CDH13: variants seen among roughly 807,000 people sequenced by gnomAD.
CDH13 encodes the protein cadherin-13.
In CDH13, 24 loss-of-function variants were observed where a neutral mutation model predicts 63.8. That is an observed-to-expected ratio of 0.38 (90% CI 0.27 to 0.53). The LOEUF is 0.53. CDH13 is among the 20% of genes least tolerant of loss of function. The pLI is 0.85. For missense variants in CDH13, 1,049 were observed against 903.1 expected (o/e 1.16, Z -2.07); for synonymous variants, 503 against 355.3 (o/e 1.42, Z -4.67).
At chr16:83,018,484 C>T (rs760152047) in intron 2 of CDH13, among the ~76,000 whole-genome samples, 12 of 152,144 alleles carry the variant, frequency 7.9e-5, no homozygotes, top group Non-Finnish European at 1.2e-4. Flanking sequence ...GGAATTGCTT[C>T]CACAATATTC....
At chr16:83,274,574 C>T (rs2088925001) in intron 5 of CDH13, among the ~76,000 whole-genome samples, 1 of 152,126 alleles carries the variant, frequency 6.6e-6, no homozygotes, top group Non-Finnish European at 1.5e-5. Context: ...GAAAGGGATT[C>T]TGTCTTTCCC....
At chr16:83,727,020 A>G (rs1598597704) in intron 10 of CDH13, among the ~76,000 whole-genome samples, 1 of 152,184 alleles carries the variant, frequency 6.6e-6, no homozygotes, top group African/African-American at 2.4e-5. Flanking sequence ...GTATTGATTT[A>G]TGAGATATAA....
At chr16:83,571,654 C>T (rs1904634850) in intron 7 of CDH13, among the ~76,000 whole-genome samples, 1 of 152,192 alleles carries the variant, frequency 6.6e-6, no homozygotes, top group African/African-American at 2.4e-5. Flanking sequence ...GAATCCAGCA[C>T]AGGCAGTTTG....
At chr16:83,397,554 C>T (rs868316545) in intron 6 of CDH13, 16 of 152,174 alleles carry the variant, frequency 1.1e-4, no homozygotes, top group African/African-American at 2.2e-4. Context: ...AAAACAGCAT[C>T]GTGTATTTTA....
At chr16:83,513,020 A>G (rs2074609616) in intron 7 of CDH13, among the ~76,000 whole-genome samples, 1 of 56,018 alleles carries the variant, frequency 1.8e-5, no homozygotes, top group African/African-American at 4.9e-5. Context: ...GGGAATAAAT[A>G]AAAGAAGAAA....
At position 83,211,911 on chromosome 16, in the gene CDH13, G is replaced by GA. The variant is rs527428306; in HGVS notation, c.484-5425dup. Among the ~76,000 whole-genome samples the GA allele has an allele frequency of 2.9e-4, 43 of 150,352 alleles. 1 individual carries two copies. Among genetic ancestry groups the GA allele is most frequent in the Non-Finnish European group, 4.3e-4 (29 of 67,538 alleles). On this transcript the variant is annotated intron_variant, in intron 4 of 13. Transcript: ENST00000567109. ...TTTTCCATTCCAACTCAGAGGACAA[G>GA]AAAAAAAAACATCCCACTGTGAAAA... is the stretch of plus-strand genomic sequence containing the variant.
intron 5 of CDH13, among the ~76,000 whole-genome samples, chr16:83,314,405 T>A (rs1217223814): frequency 6.6e-6 from 1 of 152,172 alleles, no homozygotes; most frequent in African/African-American, 2.4e-5. Flanking sequence ...AGACAAGCAG[T>A]TTTCTAAACT....
intron 5 of CDH13, among the ~76,000 whole-genome samples, chr16:83,225,271 G>C (rs557119695): frequency 6.6e-6 from 1 of 152,272 alleles, no homozygotes; most frequent in African/African-American, 2.4e-5. Flanking sequence ...AACCTGTTTC[G>C]TTACAGTTCT....
chr16:83,109,310 G>A (rs543854135), intron 3 of CDH13, among the ~76,000 whole-genome samples: 1 of 152,188 alleles, frequency 6.6e-6, no homozygotes, highest in Admixed American at 6.5e-5. Flanking sequence ...GGGAACCAAA[G>A]AAGCCTTTCA....
chr16:83,590,261 T>A (rs897861459), intron 7 of CDH13, among the ~76,000 whole-genome samples: 1 of 152,080 alleles, frequency 6.6e-6, no homozygotes, highest in South Asian at 2.1e-4. Flanking sequence ...CTGGAAGCTG[T>A]TGCATAAGTC....
At chr16:83,017,233 G>A (rs1195157994) in intron 2 of CDH13, among the ~76,000 whole-genome samples, 1 of 152,080 alleles carries the variant, frequency 6.6e-6, no homozygotes, top group Non-Finnish European at 1.5e-5. Context: ...CCTAAGCTTT[G>A]ACACACAGGG....
chr16:82,714,740 G>C (rs1320562825), intron 1 of CDH13, among the ~76,000 whole-genome samples: 1 of 81,432 alleles, frequency 1.2e-5, no homozygotes, highest in South Asian at 5.1e-4. Flanking sequence ...AAAAAAAAAA[G>C]ACACAACGAC....
rs371121882 is a variant in CDH13 at position 83,223,779 on chromosome 16, G to C, written c.636+6282G>C. ...CCAGCTCCCTGGTACAGGAAAGTCC[G>C]CTTGCCAGAGGACTGGAGTGGTGGT... On this transcript the variant is annotated intron_variant, in intron 5 of 13. Transcript: ENST00000567109. Among the ~76,000 whole-genome samples, 14 of 152,318 alleles carry C rather than the reference G, an allele frequency of 9.2e-5. 1 individual carries two copies. The South Asian group carries it at 1.2e-3, about 14-fold the overall frequency.
At chr16:82,678,574 A>G (rs931379734) in intron 1 of CDH13, among the ~76,000 whole-genome samples, 5 of 152,208 alleles carry the variant, frequency 3.3e-5, no homozygotes, top group African/African-American at 1.2e-4. Context: ...GCTTGTCAGA[A>G]GCTTGAGTGA....
At chr16:83,681,224 C>G (rs1461767951) in intron 10 of CDH13, among the ~76,000 whole-genome samples, 3 of 152,106 alleles carry the variant, frequency 2.0e-5, no homozygotes, top group African/African-American at 7.2e-5. Flanking sequence ...AGGATGGGAA[C>G]AAATGCTGTG....
At chr16:82,901,324 C>CTCTGTGTGTG (rs777728162) in intron 2 of CDH13, among the ~76,000 whole-genome samples, 4 of 130,416 alleles carry the variant, frequency 3.1e-5, no homozygotes, top group African/African-American at 1.2e-4. Context: ...TAGTATTCTC[C>CTCTGTGTGTG]TGTGTGTGTG....
intron 2 of CDH13, among the ~76,000 whole-genome samples, chr16:82,918,281 C>T (rs2042052332): frequency 1.3e-5 from 2 of 152,126 alleles, no homozygotes; most frequent in Admixed American, 1.3e-4. Flanking sequence ...AACGAGTTCA[C>T]ACCTATGAAA....
At chr16:83,226,967 G>A (rs2039858622) in intron 5 of CDH13, among the ~76,000 whole-genome samples, 1 of 152,214 alleles carries the variant, frequency 6.6e-6, no homozygotes, top group Non-Finnish European at 1.5e-5. Context: ...GGAAGAAGAA[G>A]TGCATTAGTG....
At chr16:83,215,129 T>C (rs1190658702) in intron 4 of CDH13, among the ~76,000 whole-genome samples, 1 of 119,698 alleles carries the variant, frequency 8.4e-6, no homozygotes, top group Non-Finnish European at 1.6e-5. Context: ...CAGGCTAGAG[T>C]GCAGTGGAGC....
Sources: allele counts gnomAD v4.1 joint callset (sites outside exome capture counted in the v4.1 genomes callset), GRCh38; gene constraint gnomAD v4.1.1; transcripts MANE v1.5; gene names NCBI Gene and HGNC (gene_info 2026-07-23, HGNC 2026-07-21).